INSR: variants seen among roughly 807,000 people sequenced by gnomAD.
INSR encodes the protein IR.
A neutral mutation model predicts 142.6 loss-of-function variants in INSR; 67 were observed. That is an observed-to-expected ratio of 0.47 (90% CI 0.39 to 0.58). INSR has a LOEUF of 0.58. INSR is among the 20% of genes least tolerant of loss of function. The pLI, the probability that INSR is intolerant of heterozygous loss-of-function variation, is 0.00. For missense variants in INSR, 1,248 were observed against 1,833.2 expected (o/e 0.68, Z 5.83); for synonymous variants, 756 against 743.1 (o/e 1.02, Z -0.28).
At chr19:7,260,318 G>A (rs752193520) in intron 2 of INSR, among the ~76,000 whole-genome samples, 14 of 152,016 alleles carry the variant, frequency 9.2e-5, no homozygotes, top group South Asian at 8.3e-4. Context: ...AGCATGTCCC[G>A]GCCTCACCCA....
intron 2 of INSR, among the ~76,000 whole-genome samples, chr19:7,211,797 G>A (rs1975281447): frequency 6.6e-6 from 1 of 152,144 alleles, no homozygotes; most frequent in Non-Finnish European, 1.5e-5. Flanking sequence ...GATACCACAG[G>A]CAAGAGGGAA....
At chr19:7,138,887 T>G (rs534586812) in intron 13 of INSR, among the ~76,000 whole-genome samples, 1 of 152,282 alleles carries the variant, frequency 6.6e-6, no homozygotes, top group South Asian at 2.1e-4. Context: ...TAATAAACTT[T>G]GCAATTATGG....
At chr19:7,227,583 T>G (rs145071787) in intron 2 of INSR, among the ~76,000 whole-genome samples, 2 of 152,272 alleles carry the variant, frequency 1.3e-5, no homozygotes, top group Admixed American at 6.5e-5. Context: ...AACATTTGCA[T>G]TCTCGTCGAA....
chr19:7,212,740 C>G (rs535675337), intron 2 of INSR, among the ~76,000 whole-genome samples: 2 of 152,052 alleles, frequency 1.3e-5, no homozygotes, highest in Non-Finnish European at 2.9e-5. Context: ...CACCCACCCC[C>G]ACGTCCTGCT....
At chr19:7,170,394 A>G (rs1209175001) in intron 6 of INSR, 143 bp downstream of exon 6, 1 of 674,008 alleles carries the variant, frequency 1.5e-6, no homozygotes, top group Non-Finnish European at 2.7e-6. Flanking sequence ...TTACAATGTA[A>G]TCATAATAGG....
In INSR at chr19:7,221,378, A is replaced by AAGGAGGAGGAGGAGG. The variant is rs71177175; in HGVS notation, c.653-36756_653-36742dup. Among the ~76,000 whole-genome samples, 37 of 140,172 alleles carry AAGGAGGAGGAGGAGG rather than the reference A, an allele frequency of 2.6e-4. No homozygotes were observed. In the East Asian group the frequency reaches 6.6e-3, roughly 25 times the overall value. The allele number at this position is 140,172 out of a possible 152,430, so 92.0% of individuals were successfully genotyped here. On this transcript the variant is annotated intron_variant, in intron 2 of 21. Coordinates refer to ENST00000302850, the MANE Select transcript of INSR (RefSeq NM_000208.4). ...AATAGAGTGAGACTCTGTCAAAAAA[A>AAGGAGGAGGAGGAGG]AGGAGGAGGAGGAGGAGGAGGAGGA...
At chr19:7,186,395 T>C (rs1974431879) in intron 2 of INSR, among the ~76,000 whole-genome samples, 1 of 152,164 alleles carries the variant, frequency 6.6e-6, no homozygotes, top group Non-Finnish European at 1.5e-5. Flanking sequence ...GTTCTCTATC[T>C]GGGCCATCCA....
chr19:7,158,257 T>C (rs563369649), intron 9 of INSR, among the ~76,000 whole-genome samples: 2 of 151,860 alleles, frequency 1.3e-5, no homozygotes, highest in African/African-American at 2.4e-5. Context: ...TCCCAGCACG[T>C]TGGGAGGCCA....
chr19:7,225,417 T>C lies in INSR; in HGVS notation c.653-40780A>G, dbSNP rs1975749462. 6.6e-6 allele frequency among the ~76,000 whole-genome samples: 1 copy of C among 151,660 alleles called. No individual in the cohort carries two copies. The highest frequency in any genetic ancestry group is 2.4e-5 in the African/African-American group (1 of 41,306). Reference sequence around the variant, plus strand: ...CGCCCCACCACCAAGCCAAAATGCTTGAGTGACACTCTCTGATTCTCCAGT... The same window carrying C: ...CGCCCCACCACCAAGCCAAAATGCTCGAGTGACACTCTCTGATTCTCCAGT... On this transcript the variant is annotated intron_variant, in intron 2 of 21. Coordinates refer to ENST00000302850, the MANE Select transcript of INSR (RefSeq NM_000208.4). This position sits in a 1 kb window ranked among gnomAD's most constrained non-coding sequence, Gnocchi z 4.7.
intron 13 of INSR, among the ~76,000 whole-genome samples, chr19:7,136,424 C>T (rs1275242163): frequency 1.3e-5 from 2 of 152,106 alleles, no homozygotes; most frequent in Non-Finnish European, 2.9e-5. Context: ...TTGAAAATCT[C>T]ACATCCCAGG....
At chr19:7,244,532 C>CAAAAAAAA (rs367586146) in intron 2 of INSR, among the ~76,000 whole-genome samples, 3 of 145,132 alleles carry the variant, frequency 2.1e-5, no homozygotes, top group Non-Finnish European at 3.0e-5. Flanking sequence ...GACTCTGTCT[C>CAAAAAAAA]AAAAAGAAAA....
chr19:7,120,619 C>T lies in INSR; in HGVS notation c.3659+1G>A, dbSNP rs755198022. 5 of 1,614,108 alleles carry T rather than the reference C, an allele frequency of 3.1e-6. No homozygotes were observed. Among genetic ancestry groups the T allele is most frequent in the Non-Finnish European group, 4.2e-6 (5 of 1,179,948 alleles). On this transcript the variant is annotated splice_donor_variant, in intron 20 of 21. Coordinates refer to ENST00000302850, the MANE Select transcript of INSR (RefSeq NM_000208.4). LOFTEE classifies it high-confidence loss of function. ...CATCCACCCATCCACACACAACTCACCACATGTCAGAAGAAGTGGTGAAGA... is the reference window on the plus strand; with the variant it reads ...CATCCACCCATCCACACACAACTCATCACATGTCAGAAGAAGTGGTGAAGA...
At chr19:7,292,863 G>T (rs987223329) in intron 1 of INSR, among the ~76,000 whole-genome samples, 3 of 152,114 alleles carry the variant, frequency 2.0e-5, no homozygotes, top group Admixed American at 6.6e-5. Flanking sequence ...AAGGTCAAAG[G>T]CTCCTTCATG....
At chr19:7,279,380 T>C (rs1048341812) in intron 1 of INSR, among the ~76,000 whole-genome samples, 5 of 151,562 alleles carry the variant, frequency 3.3e-5, no homozygotes, top group African/African-American at 1.2e-4. Context: ...ACAGCATGCA[T>C]AGCACCACAG....
chr19:7,142,053 C>T lies in INSR; in HGVS notation c.2543-237G>A, dbSNP rs140361295. ...ACAGAGTCTTGCTCTGTCACCCAGG[C>T]GGGAGTGCAGTGGTGTATTTTCTAA... On this transcript the variant is annotated intron_variant, in intron 12 of 21. Transcript: ENST00000302850. Among the ~76,000 whole-genome samples, 1,474 of 151,104 alleles carry T rather than the reference C, an allele frequency of 9.8e-3. 6 individuals carry two copies. Among genetic ancestry groups the T allele is most frequent in the Admixed American group, 0.015 (224 of 15,154 alleles).
intron 2 of INSR, among the ~76,000 whole-genome samples, chr19:7,228,494 T>C (rs1395316198): frequency 6.6e-6 from 1 of 152,202 alleles, no homozygotes; most frequent in African/African-American, 2.4e-5. Flanking sequence ...TCCACTCAAA[T>C]CAGAAATGAG....
At chr19:7,143,963 G>A (rs1973131682) in intron 11 of INSR, among the ~76,000 whole-genome samples, 1 of 151,828 alleles carries the variant, frequency 6.6e-6, no homozygotes, top group African/African-American at 2.4e-5. Context: ...GCTGAGGCAA[G>A]AGAATTGCTT....
In INSR at chr19:7,293,864, C is replaced by A; in HGVS notation, c.28G>T (p.Ala10Ser). The change falls in exon 1 of 22, where the codon GCG (alanine) becomes TCG (serine). Residue 10 changes from alanine (A) to serine (S), a missense_variant. Ala to Ser is a moderately conservative substitution (Grantham distance 99). This residue lies in a region of INSR where 57 missense variants were observed against 49.5 expected (regional missense o/e 1.15). Transcript: ENST00000302850. ...ACCGCCACCAGCAGCGGCGCGGCCGCCGCCCCCCGCCGGCCCCCGGTGGCC... is the reference window on the plus strand; with the variant it reads ...ACCGCCACCAGCAGCGGCGCGGCCGACGCCCCCCGCCGGCCCCCGGTGGCC... The part of the protein sequence containing the change: MATGGRRGA[A>S]AAPLLVAVAA... 1 of 1,241,824 alleles carries A rather than the reference C, an allele frequency of 8.1e-7. No homozygotes were observed. Among genetic ancestry groups the A allele is most frequent in the South Asian group, 3.4e-5 (1 of 29,420 alleles). 76.9% of individuals were successfully genotyped at this position (1,241,824 alleles called of 1,614,324 possible).
At chr19:7,186,244 G>A (rs923289782) in intron 2 of INSR, among the ~76,000 whole-genome samples, 3 of 151,994 alleles carry the variant, frequency 2.0e-5, no homozygotes, top group Non-Finnish European at 1.5e-5. Flanking sequence ...GTTGGGGAGT[G>A]TTCTTCACCC....
Sources: gnomAD v4.1 joint callset for allele counts (sites outside exome capture counted in the v4.1 genomes callset) on GRCh38, gnomAD v4.1.1 for gene constraint, gnomAD v4.1.1 regional missense constraint, Gnocchi (gnomAD v3.1) non-coding constraint, MANE v1.5 for transcripts, NCBI Gene and HGNC (gene_info 2026-07-23, HGNC 2026-07-21) for gene names.